MESP1: variants seen among roughly 807,000 people sequenced by gnomAD.
MESP1 encodes mesoderm posterior bHLH transcription factor 1, also known as mesoderm posterior protein 1.
A neutral mutation model predicts 15.2 loss-of-function variants in MESP1; 22 were observed. That is an observed-to-expected ratio of 1.45 (90% CI 1.04 to 2.07). The LOEUF (loss-of-function observed/expected upper bound fraction) is 2.07. Ranked by LOEUF, MESP1 falls within the 30% of genes most tolerant of loss-of-function variation. The pLI is 0.00. For synonymous variants in MESP1, 216 were observed against 192.6 expected, an observed-to-expected ratio of 1.12 and a Z score of -1.01; for missense variants, 484 against 411.9, an observed-to-expected ratio of 1.17 and a Z score of -1.51.
At chr15:89,737,216 G>A in the MESP1 span, among the ~76,000 whole-genome samples, 1 of 152,224 alleles carries the variant, frequency 6.6e-6, no homozygotes, top group African/African-American at 2.4e-5. Context: ...CAAGGTCCCT[G>A]AGGCAGTGGG....
Position 89,750,690 on chromosome 15 carries a change from T to G in MESP1, c.542A>C (p.Glu181Ala), listed in dbSNP as rs1005351228. 1 of 1,362,974 alleles carries G rather than the reference T, an allele frequency of 7.3e-7. No homozygotes were observed. The highest frequency in any genetic ancestry group is 1.5e-5 in the African/African-American group (1 of 65,818). The allele number at this position is 1,362,974 out of a possible 1,614,324, so 84.4% of individuals were successfully genotyped here. Residue 181 changes from glutamate to alanine, a missense_variant, in exon 1 of 2, where the codon GAG (glutamate) becomes GCG (alanine). Glu to Ala is a moderately radical substitution (Grantham distance 107, BLOSUM62 -1). Coordinates refer to ENST00000300057, the MANE Select transcript of MESP1 (RefSeq NM_018670.4). ...PAQMQTRTQA[E>A]GQGQGRGLGL... is the part of the protein sequence containing the mutation. ...CAGCCCGCGCCCCTGCCCCTGCCCC[T>G]CAGCCTGCGTCCGTGTCTGCATCTG...
At chr15:89,749,361 G>C (rs953781651), downstream of MESP1, 1 of 152,186 alleles carries the variant, frequency 6.6e-6, no homozygotes, top group African/African-American at 2.4e-5. Context: ...GGATGCTCCC[G>C]TGCATGGAGA....
chr15:89,747,396 C>A (rs997413304), downstream of MESP1, among the ~76,000 whole-genome samples: 1 of 152,232 alleles, frequency 6.6e-6, no homozygotes, highest in African/African-American at 2.4e-5. Context: ...GGTTTCCCTG[C>A]GCTGGCCTTC....
At chr15:89,746,238 A>G (rs942405864), downstream of MESP1, among the ~76,000 whole-genome samples, 3 of 137,232 alleles carry the variant, frequency 2.2e-5, no homozygotes, top group African/African-American at 8.4e-5. Context: ...ACATCCACAC[A>G]TCATCCACAT....
At chr15:89,737,798 G>A in the MESP1 span, 1 of 1,591,392 alleles carries the variant, frequency 6.3e-7, no homozygotes, top group Non-Finnish European at 8.6e-7. Context: ...CAAACAGAGA[G>A]AGCCCCTCCG....
downstream of MESP1, chr15:89,749,186 C>T (rs1355481529): frequency 6.6e-6 from 1 of 152,200 alleles, no homozygotes; most frequent in Non-Finnish European, 1.5e-5. Context: ...TCCGATGCAA[C>T]CCCATGGGCC....
downstream of MESP1, among the ~76,000 whole-genome samples, chr15:89,746,172 ACACCTCCACACAGCATCCATACCTACT>A (rs1451687159): frequency 7.1e-6 from 1 of 140,590 alleles, no homozygotes; most frequent in Non-Finnish European, 1.5e-5. Flanking sequence ...CATAGCATCC[ACACCTCCACACAGCATCCATACCTACT>A]CACCTCCACA....
chr15:89,735,002 TTCCTTCTTTCCTTCCGTGCA>T, the MESP1 span, among the ~76,000 whole-genome samples: 1 of 151,768 alleles, frequency 6.6e-6, no homozygotes, highest in Non-Finnish European at 1.5e-5. Context: ...CCTTCCTTCC[TTCCTTCTTTCCTTCCGTGCA>T]TCCTTCTTTC....
chr15:89,747,474 C>A (rs566053042), downstream of MESP1, among the ~76,000 whole-genome samples: 1 of 152,200 alleles, frequency 6.6e-6, no homozygotes, highest in African/African-American at 2.4e-5. Context: ...TGGGGACCAG[C>A]GGGCAGCTAG....
At chr15:89,748,278 AGAG>A (rs1215291290), downstream of MESP1, among the ~76,000 whole-genome samples, 4 of 152,214 alleles carry the variant, frequency 2.6e-5, no homozygotes, top group African/African-American at 9.6e-5. Flanking sequence ...GAGATGGGAC[AGAG>A]GAGCAGGAAA....
chr15:89,743,279 G>A, the MESP1 span: 5 of 1,614,062 alleles, frequency 3.1e-6, no homozygotes, highest in Non-Finnish European at 4.2e-6. Flanking sequence ...CATCACAGTT[G>A]TGTGGCCCTC....
chr15:89,733,253 T>C, the MESP1 span: 2 of 1,587,790 alleles, frequency 1.3e-6, no homozygotes, highest in Admixed American at 1.7e-5. Context: ...GGGTAAATAA[T>C]TGGCCAGATT....
At chr15:89,736,610 G>A in the MESP1 span, among the ~76,000 whole-genome samples, 1 of 152,050 alleles carries the variant, frequency 6.6e-6, no homozygotes, top group Admixed American at 6.6e-5. Context: ...AGAGAGGAGA[G>A]TCTAAAGAAA....
chr15:89,745,591 G>A (rs1351433970), downstream of MESP1, among the ~76,000 whole-genome samples: 1 of 152,006 alleles, frequency 6.6e-6, no homozygotes, highest in Non-Finnish European at 1.5e-5. This position sits in a 1 kb window ranked among gnomAD's most constrained non-coding sequence, Gnocchi z 4.8. Flanking sequence ...GTGAAACCCC[G>A]TCTCTACTAA....
chr15:89,734,017 G>A, the MESP1 span, among the ~76,000 whole-genome samples: 79 of 152,024 alleles, frequency 5.2e-4, no homozygotes, highest in African/African-American at 1.8e-3. Context: ...GTGTGTGCGC[G>A]CGCGCATGTG....
chr15:89,749,893 T>C lies in MESP1; in HGVS notation c.*251A>G. 1 of 514,222 alleles carries C rather than the reference T, an allele frequency of 1.9e-6. No individual in the cohort carries two copies. The highest frequency in any genetic ancestry group is 3.5e-6 in the Non-Finnish European group (1 of 282,578). The allele number at this position is 514,222 out of a possible 1,614,324, so 31.9% of individuals were successfully genotyped here. The stretch of plus-strand genomic sequence containing the variant: ...TGCCAACTGACACCAGTACAGTTTA[T>C]TCACAAATAAATAAATTCACATTAG... On this transcript the variant is annotated 3_prime_UTR_variant, in exon 2 of 2. Transcript: ENST00000300057.
rs1411201634 is a variant in MESP1 at position 89,750,638 on chromosome 15, C to T, written c.594G>A (p.Gly198=). ...AGGCAGGCGGGGATCCCCAGGACGC[C>T]CCGGCGCGGACGGCGGATACCAGGC... The part of the protein sequence containing the change: ...GLGLVSAVRA[G]ASWGSPPACP... Residue 198 remains glycine (G), a synonymous_variant, in exon 1 of 2, where the codon GGG becomes GGA. Transcript: ENST00000300057. 23 of 1,374,518 alleles carry T rather than the reference C, an allele frequency of 1.7e-5. No individual in the cohort carries two copies. The highest frequency in any genetic ancestry group is 2.5e-4 in the Middle Eastern group (1 of 3,960). The allele number at this position is 1,374,518 out of a possible 1,614,324, so 85.1% of individuals were successfully genotyped here.
At chr15:89,745,637 C>T (rs1316615659), downstream of MESP1, among the ~76,000 whole-genome samples, 1 of 152,094 alleles carries the variant, frequency 6.6e-6, no homozygotes, top group East Asian at 1.9e-4. The surrounding 1 kb of genome is among the most constrained non-coding windows in gnomAD (Gnocchi z 4.8). Context: ...GTGATGGGCA[C>T]CTGTAGTCCC....
chr15:89,743,436 G>A, the MESP1 span: 38 of 1,588,794 alleles, frequency 2.4e-5, no homozygotes, highest in East Asian at 6.7e-5. Context: ...TTTCAGCCAC[G>A]AGGCAGCTGC....
Sources: allele counts gnomAD v4.1 joint callset (sites outside exome capture counted in the v4.1 genomes callset), GRCh38; gene constraint gnomAD v4.1.1; non-coding constraint Gnocchi (gnomAD v3.1); transcripts MANE v1.5; gene names NCBI Gene and HGNC (gene_info 2026-07-23, HGNC 2026-07-21).